Variants in GRIA3 observed in about 807,000 individuals in gnomAD.
GRIA3 encodes glutamate ionotropic receptor AMPA type subunit 3, also known as glutamate receptor 3.
In GRIA3, 3 loss-of-function variants were observed where a neutral mutation model predicts 63.0. The observed-to-expected ratio is 0.05, with a 90% CI of 0.02 to 0.12. The LOEUF is 0.12. GRIA3 is among the 10% of genes least tolerant of loss of function. GRIA3 has a pLI of 1.00. For missense variants in GRIA3, 347 were observed against 700.9 expected (o/e 0.50, Z 5.70); for synonymous variants, 274 against 257.9 (o/e 1.06, Z -0.60).
chrX:123,238,268 C>G (rs776660627), intron 2 of GRIA3, among the ~76,000 whole-genome samples: 1 of 111,372 alleles, frequency 9.0e-6, no homozygotes, highest in Admixed American at 9.5e-5. Context: ...GGCTTCCATC[C>G]CCAGGTGTTG....
At chrX:123,277,056 C>T (rs1326121684) in intron 3 of GRIA3, among the ~76,000 whole-genome samples, 1 of 108,190 alleles carries the variant, frequency 9.2e-6, no homozygotes, top group Non-Finnish European at 1.9e-5. Context: ...TTGGACAGCA[C>T]CACTCTAGAA....
At chrX:123,445,294 C>T (rs955354471) in intron 12 of GRIA3, among the ~76,000 whole-genome samples, 3 of 111,812 alleles carry the variant, frequency 2.7e-5, no homozygotes, top group African/African-American at 9.8e-5. Flanking sequence ...TGCCCTTCCC[C>T]TCCCTGGAAA....
chrX:123,460,293 G>C (rs1319968689), intron 12 of GRIA3, among the ~76,000 whole-genome samples: 2 of 111,896 alleles, frequency 1.8e-5, no homozygotes, highest in African/African-American at 6.5e-5. Context: ...TTTGCAAATA[G>C]TGTAAAAGAC....
chrX:123,247,486 A>G (rs1035742397), intron 2 of GRIA3, among the ~76,000 whole-genome samples: 4 of 111,417 alleles, frequency 3.6e-5, no homozygotes, highest in African/African-American at 1.3e-4. Flanking sequence ...AGGAATCCAG[A>G]ATGTAGTCAG....
At position 123,311,802 on chromosome X, in the gene GRIA3, A is replaced by G. The variant is rs764493436; in HGVS notation, c.509-14224A>G. On this transcript the variant is annotated intron_variant, in intron 3 of 15. Transcript: ENST00000620443. Reference sequence around the variant, plus strand: ...GGCATCTTCAGGTATTTACACAACAATGTGTTCTAGAGCCCTCCCTGCCAT... The same window carrying G: ...GGCATCTTCAGGTATTTACACAACAGTGTGTTCTAGAGCCCTCCCTGCCAT... Among the ~76,000 whole-genome samples the G allele has an allele frequency of 6.2e-5, 7 of 112,054 alleles. No individual in the cohort carries two copies. The South Asian group carries it at 2.6e-3, about 42-fold the overall frequency.
intron 12 of GRIA3, among the ~76,000 whole-genome samples, chrX:123,462,163 C>A (rs1027878023): frequency 3.6e-5 from 4 of 111,321 alleles, no homozygotes; most frequent in Non-Finnish European, 5.7e-5. Flanking sequence ...ATCAGAATAG[C>A]CTCCTAACTA....
At chrX:123,288,035 C>T (rs954883008) in intron 3 of GRIA3, among the ~76,000 whole-genome samples, 2 of 112,207 alleles carry the variant, frequency 1.8e-5, no homozygotes, top group African/African-American at 3.2e-5. Context: ...GCTGCAGTAA[C>T]CAAAACAGCA....
At chrX:123,367,443 T>TG (rs1346139574) in intron 5 of GRIA3, among the ~76,000 whole-genome samples, 5 of 109,529 alleles carry the variant, frequency 4.6e-5, no homozygotes, top group Non-Finnish European at 9.5e-5. Flanking sequence ...GTTTTTTGTT[T>TG]TTTGTTTTTT....
At chrX:123,300,789 T>C (rs2044718155) in intron 3 of GRIA3, among the ~76,000 whole-genome samples, 1 of 110,445 alleles carries the variant, frequency 9.1e-6, no homozygotes, top group Admixed American at 9.8e-5. Flanking sequence ...TTTCTAACTT[T>C]TCGAGATGGG....
chrX:123,305,441 G>T (rs1023625126), intron 3 of GRIA3, among the ~76,000 whole-genome samples: 1 of 112,112 alleles, frequency 8.9e-6, no homozygotes, highest in African/African-American at 3.2e-5. Flanking sequence ...TTAAAATATA[G>T]ATTTTCTACA....
intron 3 of GRIA3, among the ~76,000 whole-genome samples, chrX:123,294,056 A>AAAT (rs1428088060): frequency 1.0e-4 from 1 of 9,560 alleles, no homozygotes; most frequent in Non-Finnish European, 2.1e-4. Context: ...CCTTGCTAAT[A>AAAT]AAAAAAAAAA....
At chrX:123,343,661 T>C (rs1451674861) in intron 4 of GRIA3, among the ~76,000 whole-genome samples, 1 of 108,373 alleles carries the variant, frequency 9.2e-6, no homozygotes, top group Non-Finnish European at 1.9e-5. Flanking sequence ...GAGATTGAGA[T>C]TGAACATCTC....
chrX:123,272,687 A>C (rs1381064336), intron 3 of GRIA3, among the ~76,000 whole-genome samples: 3 of 112,132 alleles, frequency 2.7e-5, no homozygotes, highest in Non-Finnish European at 3.8e-5. Context: ...AGATGCTGTA[A>C]ATACACAGTC....
intron 2 of GRIA3, among the ~76,000 whole-genome samples, chrX:123,234,606 T>G (rs901036044): frequency 2.7e-5 from 3 of 111,807 alleles, no homozygotes; most frequent in African/African-American, 9.7e-5. Flanking sequence ...AACTACAACA[T>G]GTATCTGATC....
intron 2 of GRIA3, among the ~76,000 whole-genome samples, chrX:123,239,502 G>C (rs988258820): frequency 1.3e-4 from 14 of 106,292 alleles, no homozygotes; most frequent in African/African-American, 4.3e-4. Context: ...CTGAAGATGG[G>C]ACATCTTTCT....
chrX:123,345,427 G>GC (rs1460082098), intron 4 of GRIA3, among the ~76,000 whole-genome samples: 1 of 90,528 alleles, frequency 1.1e-5, no homozygotes, highest in Non-Finnish European at 2.1e-5. Context: ...CTGAGTGGGA[G>GC]CCCCCCTTCA....
At chrX:123,237,217 AC>A in intron 2 of GRIA3, among the ~76,000 whole-genome samples, 1 of 112,107 alleles carries the variant, frequency 8.9e-6, no homozygotes, top group Non-Finnish European at 1.9e-5. Flanking sequence ...GCATAGAAAG[AC>A]CACTAGTCTA....
At chrX:123,446,789 C>T (rs917114642) in intron 12 of GRIA3, among the ~76,000 whole-genome samples, 2 of 111,315 alleles carry the variant, frequency 1.8e-5, no homozygotes, top group African/African-American at 6.5e-5. Context: ...AAGTAGTGGG[C>T]AGTCAAAGGT....
At chrX:123,249,683 T>G (rs2044378469) in intron 2 of GRIA3, among the ~76,000 whole-genome samples, 1 of 111,684 alleles carries the variant, frequency 9.0e-6, no homozygotes, top group African/African-American at 3.3e-5. Context: ...CTAAAACTCT[T>G]CTTATTGATG....
Sources: allele counts gnomAD v4.1 joint callset (sites outside exome capture counted in the v4.1 genomes callset), GRCh38; gene constraint gnomAD v4.1.1; transcripts MANE v1.5; gene names NCBI Gene and HGNC (gene_info 2026-07-23, HGNC 2026-07-21).